Variants in PRSS23 observed in about 807,000 individuals in gnomAD.
The protein encoded by PRSS23 is protease, serine 23.
In PRSS23, 25 loss-of-function variants were observed where a neutral mutation model predicts 34.7. The observed-to-expected ratio is 0.72, with a 90% CI of 0.53 to 1.01. PRSS23 has a LOEUF of 1.01. Among genes scored for constraint, PRSS23 ranks in the 50% least tolerant of loss-of-function variants. PRSS23 has a pLI of 0.00. For synonymous variants in PRSS23, 176 were observed against 186.6 expected, an observed-to-expected ratio of 0.94 and a Z score of 0.46; for missense variants, 445 against 475.6, an observed-to-expected ratio of 0.94 and a Z score of 0.60.
chr11:86,798,039 C>A (rs115015524), upstream of PRSS23, among the ~76,000 whole-genome samples: 3 of 152,224 alleles, frequency 2.0e-5, no homozygotes, highest in African/African-American at 7.2e-5. Context: ...AATATGTGCT[C>A]AATATATATT....
At chr11:86,861,808 C>T (rs573648541) in intron 2 of PRSS23, among the ~76,000 whole-genome samples, 6 of 151,762 alleles carry the variant, frequency 4.0e-5, no homozygotes, top group South Asian at 2.1e-4. Flanking sequence ...AGGGTGTACA[C>T]GCCTTTGTGA....
chr11:86,924,183 A>T (rs137993258), intron 2 of PRSS23, among the ~76,000 whole-genome samples: 1 of 152,268 alleles, frequency 6.6e-6, no homozygotes, highest in African/African-American at 2.4e-5. Flanking sequence ...GGAGTGAAAC[A>T]TTGACCAGTT....
rs184604231 is a variant in PRSS23 at position 86,832,689 on chromosome 11, C to G, written c.206+9096C>G. On this transcript the variant is annotated intron_variant, in intron 2 of 2. Coordinates refer to the PRSS23 transcript ENST00000533902. Reference sequence around the variant, plus strand: ...ACATCTGAACTCAGGTACCCCCCAACGACTTTTCCATAAAATAAGCAAACA... The same window carrying G: ...ACATCTGAACTCAGGTACCCCCCAAGGACTTTTCCATAAAATAAGCAAACA... 19 of 352,642 alleles carry G rather than the reference C, an allele frequency of 5.4e-5. 1 individual carries two copies. The Middle Eastern group carries it at 2.4e-3, about 45-fold the overall frequency. 21.8% of individuals were successfully genotyped at this position (352,642 alleles called of 1,614,324 possible). A position where few individuals can be genotyped will look rare whatever the true frequency, so the allele number is the denominator to read the frequency against.
At chr11:86,878,233 C>CCTCCCTCTCCCTCATCTCCGT (rs766429577) in intron 2 of PRSS23, among the ~76,000 whole-genome samples, 32,164 of 84,720 alleles carry the variant, frequency 0.38, 7,942 homozygotes, top group African/African-American at 0.6. Flanking sequence ...TACCCCTCCC[C>CCTCCCTCTCCCTCATCTCCGT]CTCCCTCTCC....
At chr11:86,840,872 G>A (rs188709099) in intron 2 of PRSS23, among the ~76,000 whole-genome samples, 35 of 110,632 alleles carry the variant, frequency 3.2e-4, no homozygotes, top group African/African-American at 1.1e-3. Context: ...TGGGTAAATA[G>A]CAAAATGATG....
intron 2 of PRSS23, chr11:86,950,896 T>G (rs1949284697): frequency 1.7e-6 from 1 of 574,248 alleles, no homozygotes; most frequent in South Asian, 2.0e-5. Context: ...ATCAACGTTT[T>G]GATTTTTCAC....
intron 2 of PRSS23, among the ~76,000 whole-genome samples, chr11:86,866,475 C>A: frequency 6.6e-6 from 1 of 152,176 alleles, no homozygotes; most frequent in Admixed American, 6.5e-5. Flanking sequence ...CACCCTATGA[C>A]TAAATTCATT....
chr11:86,841,802 C>G lies in PRSS23; in HGVS notation c.206+18209C>G, dbSNP rs372827642. On this transcript the variant is annotated intron_variant, in intron 2 of 2. Coordinates refer to the PRSS23 transcript ENST00000533902. Reference sequence around the variant, plus strand: ...GAGGCAATAATTAATAGTCTACCAACCAAAAAAAGTCCAGGACTAGACAGA... The same window carrying G: ...GAGGCAATAATTAATAGTCTACCAAGCAAAAAAAGTCCAGGACTAGACAGA... Among the ~76,000 whole-genome samples, 18 of 152,156 alleles carry G rather than the reference C, an allele frequency of 1.2e-4. No individual in the cohort carries two copies. The South Asian group carries it at 3.7e-3, about 32-fold the overall frequency.
chr11:86,861,184 A>G (rs577445091), intron 2 of PRSS23, among the ~76,000 whole-genome samples: 56 of 142,126 alleles, frequency 3.9e-4, no homozygotes, highest in African/African-American at 5.2e-4. Context: ...TCCCCATGTC[A>G]CGGGGGGTGT....
chr11:86,924,267 T>C (rs1432610081), intron 2 of PRSS23, among the ~76,000 whole-genome samples: 1 of 151,918 alleles, frequency 6.6e-6, no homozygotes, highest in Non-Finnish European at 1.5e-5. Flanking sequence ...TGGGCAAAAT[T>C]CCTCTCCCAG....
At chr11:86,917,369 G>GA (rs894441937) in intron 2 of PRSS23, among the ~76,000 whole-genome samples, 87 of 152,206 alleles carry the variant, frequency 5.7e-4, no homozygotes, top group African/African-American at 1.9e-3. Context: ...TATTTCTGGG[G>GA]AAAAAAATTA....
At chr11:86,837,931 T>C (rs890551749) in intron 2 of PRSS23, among the ~76,000 whole-genome samples, 21 of 152,088 alleles carry the variant, frequency 1.4e-4, no homozygotes, top group African/African-American at 4.8e-4. Context: ...TTGGGACTGC[T>C]TGGACAGTGG....
intron 2 of PRSS23, among the ~76,000 whole-genome samples, chr11:86,915,699 C>T (rs1360092068): frequency 6.6e-6 from 1 of 151,268 alleles, no homozygotes; most frequent in Non-Finnish European, 1.5e-5. Context: ...ATAGATTGAC[C>T]AACTAAATTA....
At chr11:86,821,775 G>C (rs942075778) in intron 1 of PRSS23, 1 of 1,083,464 alleles carries the variant, frequency 9.2e-7, no homozygotes, top group African/African-American at 1.6e-5. Context: ...CCTGTGCCCA[G>C]CCCGTTCCGC....
At chr11:86,879,809 C>T (rs1413986950) in intron 2 of PRSS23, among the ~76,000 whole-genome samples, 5 of 79,032 alleles carry the variant, frequency 6.3e-5, no homozygotes, top group African/African-American at 2.1e-4. Context: ...CCGCCCCGTC[C>T]GGGAGGGAGG....
At chr11:86,860,732 G>A (rs985064215) in intron 2 of PRSS23, among the ~76,000 whole-genome samples, 1 of 151,844 alleles carries the variant, frequency 6.6e-6, no homozygotes, top group African/African-American at 2.4e-5. Flanking sequence ...AATTTGGCCG[G>A]TGGTTTGACC....
chr11:86,890,512 C>G (rs1272805749), intron 2 of PRSS23, among the ~76,000 whole-genome samples: 1 of 152,096 alleles, frequency 6.6e-6, no homozygotes, highest in Non-Finnish European at 1.5e-5. Flanking sequence ...TTAGACTGAC[C>G]CTGTATGGCA....
chr11:86,825,402 T>C (rs1948291886), intron 2 of PRSS23, among the ~76,000 whole-genome samples: 1 of 152,238 alleles, frequency 6.6e-6, no homozygotes, highest in South Asian at 2.1e-4. Flanking sequence ...ATGAGTAGGT[T>C]GTGAAAATTT....
chr11:86,944,656 A>C (rs920338644), intron 2 of PRSS23, among the ~76,000 whole-genome samples: 8 of 152,234 alleles, frequency 5.3e-5, no homozygotes, highest in African/African-American at 1.2e-4. Flanking sequence ...TTTTCTATTC[A>C]GAAAATGTTT....
Sources: gnomAD v4.1 joint callset for allele counts (sites outside exome capture counted in the v4.1 genomes callset) on GRCh38, gnomAD v4.1.1 for gene constraint, MANE v1.5 for transcripts, NCBI Gene and HGNC (gene_info 2026-07-23, HGNC 2026-07-21) for gene names.